ADAMTS14: variants seen among roughly 807,000 people sequenced by gnomAD.
ADAMTS14 encodes A disintegrin and metalloproteinase with thrombospondin motifs 14.
A neutral mutation model predicts 128.6 loss-of-function variants in ADAMTS14; 100 were observed. The ratio of observed to expected loss-of-function variants is 0.78; its 90% CI spans 0.66 to 0.92. The LOEUF (loss-of-function observed/expected upper bound fraction) is 0.92, where lower values mean the gene tolerates loss of function less well. Among genes scored for constraint, ADAMTS14 ranks in the 40% least tolerant of loss-of-function variants. The probability of loss-of-function intolerance (pLI) is 0.00; values close to 1 mark genes in which losing one functional copy is unlikely to be tolerated. For missense variants in ADAMTS14, 1,562 were observed against 1,658.6 expected (o/e 0.94, Z 1.01); for synonymous variants, 665 against 653.8 (o/e 1.02, Z -0.26).
intron 4 of ADAMTS14, among the ~76,000 whole-genome samples, chr10:70,721,685 C>T (rs945339101): frequency 3.9e-5 from 6 of 152,212 alleles, no homozygotes; most frequent in African/African-American, 1.2e-4. Context: ...CTGCGCCTGG[C>T]CTATCATATG....
At chr10:70,719,984 G>A (rs1371373951) in intron 4 of ADAMTS14, among the ~76,000 whole-genome samples, 1 of 152,222 alleles carries the variant, frequency 6.6e-6, no homozygotes, top group Non-Finnish European at 1.5e-5. Context: ...TCACAAATAG[G>A]TTGTGGGGGA....
intron 21 of ADAMTS14, among the ~76,000 whole-genome samples, 191 bp downstream of exon 21, chr10:70,758,476 T>C (rs1452796035): frequency 6.6e-6 from 1 of 152,190 alleles, no homozygotes; most frequent in Non-Finnish European, 1.5e-5. Flanking sequence ...TACCTGCAAT[T>C]CCAAAATGTT....
At position 70,672,767 on chromosome 10, in the gene ADAMTS14, C is replaced by A. The variant is rs905520629; in HGVS notation, c.-36C>A. ...CGCCCTCAGCCTGGGACTTGGGGAT[C>A]GGGCGCTTGCCCAGCCCGCGTCCCA... is the stretch of plus-strand genomic sequence containing the variant. On this transcript the variant is annotated 5_prime_UTR_variant, in exon 1 of 22. Coordinates refer to ENST00000373207, the MANE Select transcript of ADAMTS14 (RefSeq NM_080722.4). 6.7e-7 allele frequency: 1 copy of A among 1,488,082 alleles called. No homozygotes were observed. Among genetic ancestry groups the A allele is most frequent in the Non-Finnish European group, 8.9e-7 (1 of 1,123,976 alleles). 92.2% of individuals were successfully genotyped at this position (1,488,082 alleles called of 1,614,324 possible). A position where few individuals can be genotyped will look rare whatever the true frequency, so the allele number is the denominator to read the frequency against.
intron 4 of ADAMTS14, among the ~76,000 whole-genome samples, chr10:70,718,811 A>C (rs576350347): frequency 2.8e-4 from 42 of 151,830 alleles, no homozygotes; most frequent in Non-Finnish European, 4.7e-4. Context: ...TCTCCTAAGC[A>C]CCACAGGTGA....
At chr10:70,757,885 G>A in intron 19 of ADAMTS14, 77 bp from the exon 20 acceptor site, 1 of 1,518,380 alleles carries the variant, frequency 6.6e-7, no homozygotes, top group Non-Finnish European at 8.8e-7. Flanking sequence ...TGGGCTCTGA[G>A]CTCACTGACT....
chr10:70,710,448 A>G (rs1564531911), intron 4 of ADAMTS14, among the ~76,000 whole-genome samples: 1 of 152,240 alleles, frequency 6.6e-6, no homozygotes, highest in Non-Finnish European at 1.5e-5. Context: ...GGAGAGGATA[A>G]AGAGGCTGGC....
intron 4 of ADAMTS14, among the ~76,000 whole-genome samples, chr10:70,724,367 T>C (rs147220841): frequency 1.0e-3 from 152 of 152,328 alleles, no homozygotes; most frequent in Middle Eastern, 3.4e-3. Context: ...GTGTGCCTCG[T>C]AGCCATCCTG....
rs1431902011 is a variant in ADAMTS14, at chr10:70,762,353, C to G, written c.*1500C>G. ...CACGCGGAGTCATTCCTGTGAGAAC[C>G]AGCCTGGCCTGTGTTAAACTCTTGT... On this transcript the variant is annotated 3_prime_UTR_variant, in exon 22 of 22. Transcript: ENST00000373207. The G allele has an allele frequency of 1.3e-5, 2 of 152,274 alleles. No homozygotes were observed. Among genetic ancestry groups the G allele is most frequent in the Non-Finnish European group, 2.9e-5 (2 of 68,068 alleles). 9.4% of individuals were successfully genotyped at this position (152,274 alleles called of 1,614,324 possible). A position where few individuals can be genotyped will look rare whatever the true frequency, so the allele number is the denominator to read the frequency against.
intron 4 of ADAMTS14, among the ~76,000 whole-genome samples, chr10:70,709,333 C>T (rs915213254): frequency 1.2e-4 from 19 of 152,102 alleles, no homozygotes; most frequent in South Asian, 4.2e-4. Flanking sequence ...GCAGAGAGCC[C>T]GTGCCCTTAG....
At chr10:70,714,716 G>A (rs1400073528) in intron 4 of ADAMTS14, among the ~76,000 whole-genome samples, 1 of 152,104 alleles carries the variant, frequency 6.6e-6, no homozygotes, top group Non-Finnish European at 1.5e-5. Context: ...GGGAGGCTGA[G>A]GCAGGTGTAT....
chr10:70,691,498 A>AC (rs1206733924), intron 2 of ADAMTS14, among the ~76,000 whole-genome samples: 9 of 113,998 alleles, frequency 7.9e-5, no homozygotes, highest in East Asian at 2.1e-4. Context: ...AAAAAAAAAA[A>AC]AAAAAAAAAA....
intron 4 of ADAMTS14, among the ~76,000 whole-genome samples, chr10:70,723,756 A>T (rs1393550221): frequency 2.0e-5 from 3 of 152,214 alleles, no homozygotes; most frequent in Non-Finnish European, 4.4e-5. Context: ...GCTACCAAGC[A>T]GTGAGTGGAC....
At chr10:70,717,224 C>G (rs562630299) in intron 4 of ADAMTS14, among the ~76,000 whole-genome samples, 1 of 152,154 alleles carries the variant, frequency 6.6e-6, no homozygotes, top group Non-Finnish European at 1.5e-5. Flanking sequence ...AATCAGGGAA[C>G]CACTGAGAAT....
chr10:70,742,823 A>G (rs539791563), intron 12 of ADAMTS14, among the ~76,000 whole-genome samples: 2 of 152,366 alleles, frequency 1.3e-5, no homozygotes, highest in South Asian at 4.1e-4. Flanking sequence ...TATAGCCCAC[A>G]TAAAGAAGGA....
chr10:70,749,557 A>C (rs1842284339), intron 15 of ADAMTS14, among the ~76,000 whole-genome samples: 1 of 151,812 alleles, frequency 6.6e-6, no homozygotes, highest in South Asian at 2.1e-4. Flanking sequence ...GAAGAAAGGA[A>C]GGCAGTAAAG....
At chr10:70,746,494 C>CA (rs1432938090) in intron 15 of ADAMTS14, among the ~76,000 whole-genome samples, 6 of 152,118 alleles carry the variant, frequency 3.9e-5, no homozygotes. Context: ...TGGAATTAGA[C>CA]AGTGGCAATG....
intron 21 of ADAMTS14, among the ~76,000 whole-genome samples, chr10:70,759,544 A>G (rs887295095): frequency 6.6e-5 from 10 of 152,220 alleles, no homozygotes; most frequent in Admixed American, 4.6e-4. Context: ...ATTCACTGGT[A>G]AGGGTCAACA....
At chr10:70,737,330 T>C (rs1174040498) in intron 10 of ADAMTS14, among the ~76,000 whole-genome samples, 2 of 152,192 alleles carry the variant, frequency 1.3e-5, no homozygotes, top group Non-Finnish European at 2.9e-5. Context: ...ACCCCGTGGC[T>C]GGGTCTGAAA....
At position 70,749,917 on chromosome 10, in the gene ADAMTS14, G is replaced by A. The variant is rs774091612; in HGVS notation, c.2359G>A (p.Asp787Asn). Reference protein sequence around the residue: ...TFTAMGLEWEDAVEDAKESLK... With the variant: ...TFTAMGLEWENAVEDAKESLK... ...CACCGCCATGGGCCTGGAGTGGGAGGATGCGGTGGAGGATGCCAAGGAAAG... is the reference window on the plus strand; with the variant it reads ...CACCGCCATGGGCCTGGAGTGGGAGAATGCGGTGGAGGATGCCAAGGAAAG... The change falls in exon 16 of 22, where the codon GAT becomes AAT. Residue 787 changes from aspartate to asparagine, a missense_variant. By Grantham distance (23) the Asp-to-Asn change is conservative (BLOSUM62 1). Coordinates refer to ENST00000373207, the MANE Select transcript of ADAMTS14 (RefSeq NM_080722.4). The A allele has an allele frequency of 2.5e-6, 4 of 1,614,120 alleles. No homozygotes were observed. Among genetic ancestry groups the A allele is most frequent in the East Asian group, 2.2e-5 (1 of 44,864 alleles).
Sources: allele counts gnomAD v4.1 joint callset (sites outside exome capture counted in the v4.1 genomes callset), GRCh38; gene constraint gnomAD v4.1.1; transcripts MANE v1.5; gene names NCBI Gene and HGNC (gene_info 2026-07-23, HGNC 2026-07-21).